PPM1H: variants seen among roughly 807,000 people sequenced by gnomAD.
PPM1H encodes protein phosphatase, Mg2+/Mn2+ dependent 1H, also known as protein phosphatase 1H.
In PPM1H, 27 loss-of-function variants were observed where a neutral mutation model predicts 54.9. The ratio of observed to expected loss-of-function variants is 0.49; its 90% CI spans 0.36 to 0.68. The LOEUF (loss-of-function observed/expected upper bound fraction) is 0.68. PPM1H is among the 30% of genes least tolerant of loss of function. The pLI is 0.00. For synonymous variants in PPM1H, 305 were observed against 270.8 expected (o/e 1.13, Z -1.24); for missense variants, 596 against 667.8 (o/e 0.89, Z 1.19).
At chr12:62,849,837 A>T (rs938443497) in intron 1 of PPM1H, among the ~76,000 whole-genome samples, 1 of 152,242 alleles carries the variant, frequency 6.6e-6, no homozygotes, top group Non-Finnish European at 1.5e-5. Flanking sequence ...AAGAGCATCC[A>T]TGCCTCTACA....
intron 3 of PPM1H, among the ~76,000 whole-genome samples, chr12:62,801,053 C>CT (rs2076765383): frequency 6.6e-6 from 1 of 152,238 alleles, no homozygotes; most frequent in African/African-American, 2.4e-5. Context: ...AGCACTTTGT[C>CT]TGCAGTGTGA....
intron 4 of PPM1H, among the ~76,000 whole-genome samples, chr12:62,765,174 T>C (rs75600856): frequency 0.024 from 3,644 of 152,174 alleles, 93 homozygotes; most frequent in East Asian, 0.1. Flanking sequence ...TTCAGTGAGG[T>C]GTGTGACAGT....
intron 4 of PPM1H, among the ~76,000 whole-genome samples, chr12:62,748,535 C>CACAA (rs2076425050): frequency 8.9e-6 from 1 of 112,430 alleles, no homozygotes; most frequent in Non-Finnish European, 1.8e-5. Flanking sequence ...GTAGAACACA[C>CACAA]ACACACACAC....
intron 1 of PPM1H, among the ~76,000 whole-genome samples, chr12:62,879,180 C>T (rs563351254): frequency 6.6e-6 from 1 of 152,286 alleles, no homozygotes; most frequent in Admixed American, 6.5e-5. Flanking sequence ...GTGTTTCTTT[C>T]GCTATTTTCC....
At chr12:62,865,390 CCT>C (rs1230627879) in intron 1 of PPM1H, among the ~76,000 whole-genome samples, 1 of 152,194 alleles carries the variant, frequency 6.6e-6, no homozygotes, top group African/African-American at 2.4e-5. Flanking sequence ...ATCCTCCCCT[CCT>C]CTGTCTCTCT....
Position 62,850,658 on chromosome 12 carries a change from T to C in PPM1H, c.246-18379A>G, listed in dbSNP as rs1352271022. On this transcript the variant is annotated intron_variant, in intron 1 of 9. Transcript: ENST00000228705. ...GGATATATAAAGATATATTTTAAAA[T>C]ATATATTATATAAAATATATATTCT... 2.7e-5 allele frequency: 4 copies of C among 148,338 alleles called. No homozygotes were observed. In the East Asian group the frequency reaches 7.8e-4, roughly 29 times the overall value. 9.2% of individuals were successfully genotyped at this position (148,338 alleles called of 1,614,324 possible). A position where few individuals can be genotyped will look rare whatever the true frequency, so the allele number is the denominator to read the frequency against.
At chr12:62,900,010 A>G (rs1401090967) in intron 1 of PPM1H, among the ~76,000 whole-genome samples, 1 of 152,148 alleles carries the variant, frequency 6.6e-6, no homozygotes, top group Non-Finnish European at 1.5e-5. Flanking sequence ...GCAGTTTACA[A>G]CCTGGGAGAA....
intron 4 of PPM1H, among the ~76,000 whole-genome samples, chr12:62,782,997 GTATATA>G (rs549843410): frequency 1.3e-5 from 2 of 151,720 alleles, no homozygotes; most frequent in Non-Finnish European, 2.9e-5. Flanking sequence ...CCCAGCTAAT[GTATATA>G]TATATTTTTG....
chr12:62,729,877 T>A (rs536012142), intron 5 of PPM1H, among the ~76,000 whole-genome samples: 4 of 152,332 alleles, frequency 2.6e-5, no homozygotes, highest in African/African-American at 7.2e-5. Flanking sequence ...AGATAAGCCA[T>A]CATATCCCCT....
rs1232202176 is a variant in PPM1H, at chr12:62,748,515, G to A, written c.870-10929C>T. Among the ~76,000 whole-genome samples, 4 of 142,382 alleles carry A rather than the reference G, an allele frequency of 2.8e-5. No individual in the cohort carries two copies. In the East Asian group the frequency reaches 8.2e-4, roughly 29 times the overall value. 93.4% of individuals were successfully genotyped at this position (142,382 alleles called of 152,430 possible). A position where few individuals can be genotyped will look rare whatever the true frequency, so the allele number is the denominator to read the frequency against. On this transcript the variant is annotated intron_variant, in intron 4 of 9. Transcript: ENST00000228705. The stretch of plus-strand genomic sequence containing the variant: ...AATCCACCCACTCATGTAGTTAAAT[G>A]TGTTTCAGTGTAGAACACACACACA...
At chr12:62,839,909 G>A (rs1465994336) in intron 1 of PPM1H, among the ~76,000 whole-genome samples, 2 of 144,532 alleles carry the variant, frequency 1.4e-5, no homozygotes, top group Admixed American at 6.8e-5. Flanking sequence ...GTGGTGGCAC[G>A]TGCCTATAGT....
At chr12:62,684,221 C>T in intron 8 of PPM1H, among the ~76,000 whole-genome samples, 1 of 152,178 alleles carries the variant, frequency 6.6e-6, no homozygotes, top group East Asian at 1.9e-4. Flanking sequence ...ATCCCCTACA[C>T]TCAACCCACA....
chr12:62,698,031 C>T (rs1422005606), intron 6 of PPM1H, among the ~76,000 whole-genome samples: 2 of 151,996 alleles, frequency 1.3e-5, no homozygotes, highest in African/African-American at 4.8e-5. Context: ...AGGCATTATT[C>T]TCAGAAGTTT....
At position 62,736,747 on chromosome 12, in the gene PPM1H, C is replaced by T. The variant is rs536264901; in HGVS notation, c.954+755G>A. Among the ~76,000 whole-genome samples, 8 of 152,254 alleles carry T rather than the reference C, an allele frequency of 5.3e-5. No individual in the cohort carries two copies. In the East Asian group the frequency reaches 1.3e-3, roughly 26 times the overall value. On this transcript the variant is annotated intron_variant, in intron 5 of 9. Coordinates refer to ENST00000228705, the MANE Select transcript of PPM1H (RefSeq NM_020700.2). The stretch of plus-strand genomic sequence containing the variant: ...GTTGTCTACAAAGAAATCCAGTTGG[C>T]GAGAAAATATTTCATCCACAGAACT...
chr12:62,813,640 G>C (rs1238983053), intron 2 of PPM1H, among the ~76,000 whole-genome samples: 1 of 152,186 alleles, frequency 6.6e-6, no homozygotes, highest in Non-Finnish European at 1.5e-5. Flanking sequence ...ATAAGAACAT[G>C]TCAGAGCTGG....
chr12:62,658,182 ATTTTTTTTTTTTTTTTT>A (rs1173229360), intron 9 of PPM1H, among the ~76,000 whole-genome samples: 5 of 87,556 alleles, frequency 5.7e-5, no homozygotes, highest in Non-Finnish European at 6.6e-5. Context: ...AACACGGTGA[ATTTTTTTTTTTTTTTTT>A]TTTTTTTTTT....
At chr12:62,819,102 G>A (rs1237544906) in intron 2 of PPM1H, among the ~76,000 whole-genome samples, 2 of 147,386 alleles carry the variant, frequency 1.4e-5, no homozygotes, top group Admixed American at 6.9e-5. Context: ...GAGTACAGGC[G>A]TGAGCCACTG....
In PPM1H at chr12:62,720,031, T is replaced by A. The variant is rs913115462; in HGVS notation, c.1073+140A>T. The A allele has an allele frequency of 6.0e-6, 4 of 670,202 alleles. No homozygotes were observed. The Admixed American group carries it at 1.1e-4, about 18-fold the overall frequency. The allele number at this position is 670,202 out of a possible 1,614,324, so 41.5% of individuals were successfully genotyped here. ...CCTAAGCAAACATAGCAGAGGCAGG[T>A]GTACCCCCTTGTCTTTTACCACAAA... On this transcript the variant is annotated intron_variant, in intron 6 of 9. Transcript: ENST00000228705.
chr12:62,653,166 C>A (rs1399451501), intron 9 of PPM1H, among the ~76,000 whole-genome samples: 1 of 152,058 alleles, frequency 6.6e-6, no homozygotes, highest in Non-Finnish European at 1.5e-5. Flanking sequence ...GTTTTTGTTG[C>A]TGATATGAAG....
Sources: allele counts gnomAD v4.1 joint callset (sites outside exome capture counted in the v4.1 genomes callset), GRCh38; gene constraint gnomAD v4.1.1; transcripts MANE v1.5; gene names NCBI Gene and HGNC (gene_info 2026-07-23, HGNC 2026-07-21).